Variants in PRKD1 observed in about 807,000 individuals in gnomAD.
The protein encoded by PRKD1 is serine/threonine-protein kinase D1.
A neutral mutation model predicts 95.9 loss-of-function variants in PRKD1; 63 were observed. That is an observed-to-expected ratio of 0.66 (90% CI 0.54 to 0.81). The LOEUF (loss-of-function observed/expected upper bound fraction) is 0.81. PRKD1 is among the 30% of genes least tolerant of loss of function. PRKD1 has a pLI of 0.00. For synonymous variants in PRKD1, 425 were observed against 423.1 expected, an observed-to-expected ratio of 1.00 and a Z score of -0.05; for missense variants, 1,048 against 1,165.3, an observed-to-expected ratio of 0.90 and a Z score of 1.47.
At chr14:29,667,556 C>T (rs1882594626) in intron 2 of PRKD1, among the ~76,000 whole-genome samples, 1 of 152,162 alleles carries the variant, frequency 6.6e-6, no homozygotes, top group Admixed American at 6.6e-5. Flanking sequence ...CAATCACCTA[C>T]TTTGGTGGTT....
intron 2 of PRKD1, among the ~76,000 whole-genome samples, chr14:29,716,685 G>A (rs1165281138): frequency 5.9e-5 from 9 of 152,182 alleles, no homozygotes. Flanking sequence ...CATCAAAAAG[G>A]AGTAACTACT....
At chr14:29,629,484 T>G (rs1012600592) in intron 10 of PRKD1, among the ~76,000 whole-genome samples, 5 of 152,120 alleles carry the variant, frequency 3.3e-5, no homozygotes, top group African/African-American at 7.2e-5. Flanking sequence ...AATAGAGGTC[T>G]CATATAAAGT....
intron 4 of PRKD1, among the ~76,000 whole-genome samples, chr14:29,650,105 C>T (rs972201532): frequency 2.6e-5 from 4 of 152,130 alleles, no homozygotes; most frequent in Non-Finnish European, 5.9e-5. Context: ...TCGCCACCTC[C>T]GGTTTTCTTT....
intron 1 of PRKD1, among the ~76,000 whole-genome samples, chr14:29,795,442 A>G (rs1889770940): frequency 6.6e-6 from 1 of 152,058 alleles, no homozygotes; most frequent in Admixed American, 6.6e-5. Flanking sequence ...TCATGTTCCC[A>G]TTATATGCTC....
intron 1 of PRKD1, among the ~76,000 whole-genome samples, chr14:29,868,477 C>T (rs1313349847): frequency 6.6e-6 from 1 of 152,102 alleles, no homozygotes; most frequent in African/African-American, 2.4e-5. Flanking sequence ...AAATAGTAGC[C>T]TTATGCTGTA....
chr14:29,851,965 C>T (rs919408871), intron 1 of PRKD1, among the ~76,000 whole-genome samples: 5 of 152,142 alleles, frequency 3.3e-5, no homozygotes, highest in Admixed American at 2.6e-4. Flanking sequence ...TTATCCTACA[C>T]AAATTAACAC....
chr14:29,841,534 A>C (rs1376529219), intron 1 of PRKD1, among the ~76,000 whole-genome samples: 2 of 152,048 alleles, frequency 1.3e-5, no homozygotes, highest in African/African-American at 2.4e-5. Flanking sequence ...TTAAAAACGG[A>C]AGTTTCCCTG....
At chr14:29,695,819 C>G (rs1884484723) in intron 2 of PRKD1, among the ~76,000 whole-genome samples, 1 of 151,970 alleles carries the variant, frequency 6.6e-6, no homozygotes, top group African/African-American at 2.4e-5. Context: ...CTGGAAAGTG[C>G]TATTGCAGAT....
At chr14:29,686,728 G>A (rs1883895338) in intron 2 of PRKD1, among the ~76,000 whole-genome samples, 1 of 152,196 alleles carries the variant, frequency 6.6e-6, no homozygotes. Context: ...CATCTGTAAA[G>A]TGGGAGTGAT....
chr14:29,715,952 T>C (rs1885586188), intron 2 of PRKD1, among the ~76,000 whole-genome samples: 1 of 152,212 alleles, frequency 6.6e-6, no homozygotes, highest in Non-Finnish European at 1.5e-5. Flanking sequence ...TACTATATTT[T>C]TTAGAATGAT....
chr14:29,708,710 G>A (rs900929587), intron 2 of PRKD1, among the ~76,000 whole-genome samples: 5 of 151,970 alleles, frequency 3.3e-5, no homozygotes, highest in Admixed American at 6.6e-5. Flanking sequence ...AAAATTAGCC[G>A]GGCATGGTGG....
chr14:29,906,502 A>T (rs1894501481), intron 1 of PRKD1, among the ~76,000 whole-genome samples: 1 of 151,918 alleles, frequency 6.6e-6, no homozygotes, highest in South Asian at 2.1e-4. Flanking sequence ...TGCACGTCCC[A>T]GGCAGAGTGA....
intron 1 of PRKD1, among the ~76,000 whole-genome samples, chr14:29,826,594 TATATATAC>T (rs1891132648): frequency 7.8e-6 from 1 of 127,994 alleles, no homozygotes; most frequent in Admixed American, 8.5e-5. Context: ...ATGATGAAAA[TATATATAC>T]ATATATACAT....
intron 16 of PRKD1, among the ~76,000 whole-genome samples, chr14:29,581,034 C>T (rs1449637937): frequency 6.6e-6 from 1 of 150,966 alleles, no homozygotes; most frequent in Middle Eastern, 3.4e-3. Flanking sequence ...TCATATCCTA[C>T]TCAAAGCAAA....
chr14:29,680,148 T>G lies in PRKD1; in HGVS notation c.404-13940A>C, dbSNP rs78004899. Among the ~76,000 whole-genome samples the G allele has an allele frequency of 2.0e-3, 303 of 152,248 alleles. 1 individual carries two copies. The highest frequency in any genetic ancestry group is 6.9e-3 in the African/African-American group (286 of 41,546). Reference sequence around the variant, plus strand: ...TAGAATGCAATAACATAGTCGGAAGTCTTTAAAAATGTACTGTCATTTATT... The same window carrying G: ...TAGAATGCAATAACATAGTCGGAAGGCTTTAAAAATGTACTGTCATTTATT... On this transcript the variant is annotated intron_variant, in intron 2 of 17. Transcript: ENST00000331968.
chr14:29,855,634 G>T (rs1892469775), intron 1 of PRKD1, among the ~76,000 whole-genome samples: 1 of 152,202 alleles, frequency 6.6e-6, no homozygotes, highest in South Asian at 2.1e-4. Context: ...GGAGGAGCCA[G>T]GGATGGAATG....
chr14:29,693,403 T>A (rs1322905102), intron 2 of PRKD1, among the ~76,000 whole-genome samples: 1 of 151,986 alleles, frequency 6.6e-6, no homozygotes, highest in African/African-American at 2.4e-5. Flanking sequence ...GTAAAAAATG[T>A]AAATTTCCAC....
chr14:29,892,735 C>T (rs1323630433), intron 1 of PRKD1, among the ~76,000 whole-genome samples: 2 of 152,076 alleles, frequency 1.3e-5, no homozygotes, highest in Non-Finnish European at 2.9e-5. Flanking sequence ...TATACACTGT[C>T]CTGTTGGTAC....
At chr14:29,858,153 C>T (rs1892576139) in intron 1 of PRKD1, among the ~76,000 whole-genome samples, 1 of 152,148 alleles carries the variant, frequency 6.6e-6, no homozygotes, top group Non-Finnish European at 1.5e-5. Context: ...TGAACAGATA[C>T]ATCAACAAAT....
Sources: gnomAD v4.1 joint callset for allele counts (sites outside exome capture counted in the v4.1 genomes callset) on GRCh38, gnomAD v4.1.1 for gene constraint, MANE v1.5 for transcripts, NCBI Gene and HGNC (gene_info 2026-07-23, HGNC 2026-07-21) for gene names.